Variants in CIB2 observed in about 807,000 individuals in gnomAD.
The protein encoded by CIB2 is calcium and integrin-binding family member 2.
CIB2 carries 19 observed loss-of-function variants against 23.1 expected under a neutral mutation model. That is an observed-to-expected ratio of 0.82 (90% CI 0.57 to 1.21). The LOEUF is 1.21. Among genes scored for constraint, CIB2 ranks in the 50% most tolerant of loss-of-function variants. The probability of loss-of-function intolerance (pLI) is 0.00; values close to 1 mark genes in which losing one functional copy is unlikely to be tolerated. For synonymous variants in CIB2, 94 were observed against 91.7 expected (o/e 1.03, Z -0.14); for missense variants, 220 against 241.5 (o/e 0.91, Z 0.59).
At chr15:78,115,247 G>T (rs2074220267) in intron 2 of CIB2, among the ~76,000 whole-genome samples, 1 of 151,986 alleles carries the variant, frequency 6.6e-6, no homozygotes, top group African/African-American at 2.4e-5. Context: ...AATTTTAGAA[G>T]TAATTATTTA....
intron 1 of CIB2, among the ~76,000 whole-genome samples, chr15:78,128,603 G>A (rs769860518): frequency 8.9e-4 from 136 of 152,112 alleles, no homozygotes; most frequent in Non-Finnish European, 1.5e-3. Flanking sequence ...GCTTGAACCT[G>A]GGAGGCGGAG....
intron 2 of CIB2, among the ~76,000 whole-genome samples, chr15:78,117,472 G>A (rs1359576406): frequency 6.6e-6 from 1 of 152,152 alleles, no homozygotes; most frequent in Non-Finnish European, 1.5e-5. Context: ...ATGAGCCCAT[G>A]ACACAGCATT....
intron 2 of CIB2, among the ~76,000 whole-genome samples, chr15:78,120,075 A>AT (rs1001508771): frequency 9.7e-5 from 14 of 143,808 alleles, no homozygotes; most frequent in South Asian, 2.2e-4. Flanking sequence ...TAATTTCTGT[A>AT]TTTTTTTTTT....
intron 4 of CIB2, among the ~76,000 whole-genome samples, chr15:78,106,165 A>G (rs2074068219): frequency 6.6e-6 from 1 of 152,160 alleles, no homozygotes; most frequent in African/African-American, 2.4e-5. Flanking sequence ...ACAATGACTA[A>G]ACCACATCCT....
intron 4 of CIB2, 71 bp downstream of exon 4, chr15:78,109,163 TA>T: frequency 6.5e-7 from 1 of 1,531,198 alleles, no homozygotes; most frequent in East Asian, 2.3e-5. Context: ...GAGCCAGTAG[TA>T]ACCAGACAGC....
intron 3 of CIB2, among the ~76,000 whole-genome samples, chr15:78,109,693 G>A (rs565859829): frequency 6.6e-6 from 1 of 151,094 alleles, no homozygotes; most frequent in South Asian, 2.1e-4. Flanking sequence ...CTGTAGTCCC[G>A]CTATTTGGGA....
intron 1 of CIB2, among the ~76,000 whole-genome samples, chr15:78,126,146 C>A (rs558024989): frequency 3.5e-5 from 5 of 144,806 alleles, no homozygotes; most frequent in African/African-American, 1.1e-4. Context: ...CCCTGCCCCC[C>A]CCCCTTTTTT....
chr15:78,124,497 C>G (rs1195651338), intron 1 of CIB2, among the ~76,000 whole-genome samples: 1 of 152,094 alleles, frequency 6.6e-6, no homozygotes, highest in Non-Finnish European at 1.5e-5. Flanking sequence ...AGATGAACTG[C>G]CTCTATCCAC....
intron 3 of CIB2, among the ~76,000 whole-genome samples, chr15:78,110,392 G>A (rs2074139001): frequency 6.6e-6 from 1 of 152,214 alleles, no homozygotes; most frequent in African/African-American, 2.4e-5. Flanking sequence ...GTCCAGGGCT[G>A]AGCCTGGGGC....
chr15:78,109,208 C>T (rs749673418), intron 4 of CIB2, 27 bp downstream of exon 4: 6 of 888,368 alleles, frequency 6.8e-6, no homozygotes, highest in Non-Finnish European at 8.3e-6. Flanking sequence ...ACCGCATATT[C>T]AGGCCCCCTC....
At chr15:78,109,433 G>A in intron 3 of CIB2, 51 bp from the exon 4 acceptor site, 3 of 1,608,820 alleles carry the variant, frequency 1.9e-6, no homozygotes, top group South Asian at 1.1e-5. Context: ...AAGCAGGAGG[G>A]CCCCGGAGCC....
In CIB2 at chr15:78,105,337, A is replaced by G. The variant is rs1567047237; in HGVS notation, c.543-5T>C. 6 of 1,613,910 alleles carry G rather than the reference A, an allele frequency of 3.7e-6. No homozygotes were observed. The East Asian group carries it at 8.9e-5, about 24-fold the overall frequency. On this transcript the variant is annotated splice_region_variant and splice_polypyrimidine_tract_variant and intron_variant, in intron 5 of 5. Transcript: ENST00000258930. Reference sequence around the variant, plus strand: ...CAGATCCGGATGTGGAAAGTGCTAGAAAGAGAGAAAGGGCAAGAGAGGGTG... The same window carrying G: ...CAGATCCGGATGTGGAAAGTGCTAGGAAGAGAGAAAGGGCAAGAGAGGGTG...
intron 4 of CIB2, among the ~76,000 whole-genome samples, chr15:78,106,257 A>G (rs568064973): frequency 7.5e-4 from 114 of 152,226 alleles, no homozygotes; most frequent in Non-Finnish European, 1.3e-3. Context: ...CTTAGCCCAC[A>G]GTGGACCCAG....
At chr15:78,126,939 T>C (rs989669629) in intron 1 of CIB2, among the ~76,000 whole-genome samples, 5 of 152,094 alleles carry the variant, frequency 3.3e-5, no homozygotes, top group African/African-American at 9.7e-5. Context: ...GGCCTAGAAG[T>C]GTGGCAGGGG....
rs1174715373 is a variant in CIB2 at position 78,111,223 on chromosome 15, C to T, written c.140G>A (p.Arg47Lys). ...LAPNLVPMDY[R>K]KSPIVHVPMS... The stretch of plus-strand genomic sequence containing the variant: ...GGGCACGTGGACGATGGGGCTCTTC[C>T]TGTAGTCCATTGGGACGAGGTTGGG... The change falls in exon 3 of 6, where the codon AGG (arginine) becomes AAG (lysine). Residue 47 changes from arginine (R) to lysine (K), a missense_variant. Arg to Lys is a conservative substitution (Grantham distance 26). Coordinates refer to ENST00000258930, the MANE Select transcript of CIB2 (RefSeq NM_006383.4). The T allele has an allele frequency of 1.9e-6, 3 of 1,614,180 alleles. No homozygotes were observed. The highest frequency in any genetic ancestry group is 1.6e-4 in the Middle Eastern group (1 of 6,062).
chr15:78,116,011 A>AG (rs2074235307), intron 2 of CIB2, among the ~76,000 whole-genome samples: 1 of 152,074 alleles, frequency 6.6e-6, no homozygotes, highest in African/African-American at 2.4e-5. Context: ...GGAAAAAAAA[A>AG]ATTGCATCTA....
At position 78,105,879 on chromosome 15, in the gene CIB2, C is replaced by T. The variant is rs2074062896; in HGVS notation, c.402G>A (p.Arg134=). Residue 134 remains arginine, a synonymous_variant, in exon 5 of 6, where the codon CGG becomes CGA. Coordinates refer to ENST00000258930, the MANE Select transcript of CIB2 (RefSeq NM_006383.4). ...CCTCATCCAGCTCTGACTTAGTGAG[C>T]CGGGCCAGCGTCAGCTCCAGGTCCT... ...CKEDLELTLA[R]LTKSELDEEE... 6.2e-7 allele frequency: 1 copy of T among 1,614,200 alleles called. No individual in the cohort carries two copies. The highest frequency in any genetic ancestry group is 8.5e-7 in the Non-Finnish European group (1 of 1,180,030).
chr15:78,125,724 G>A (rs1260397381), intron 1 of CIB2, among the ~76,000 whole-genome samples: 3 of 152,172 alleles, frequency 2.0e-5, no homozygotes, highest in Non-Finnish European at 4.4e-5. Context: ...TCCCAATGAT[G>A]CTGATGCATG....
In CIB2 at chr15:78,105,171, TGCTGAAAG is replaced by T; in HGVS notation, c.*132_*139del. 8.4e-7 allele frequency: 1 copy of T among 1,183,964 alleles called. No homozygotes were observed. Among genetic ancestry groups the T allele is most frequent in the Middle Eastern group, 2.2e-4 (1 of 4,568 alleles). 73.3% of individuals were successfully genotyped at this position (1,183,964 alleles called of 1,614,324 possible). ...CCCTTCCTGGTTAAGGTTTTTTTTT[TGCTGAAAG>T]GGCCACAGGATATATTTGTGGTGTA... On this transcript the variant is annotated 3_prime_UTR_variant, in exon 6 of 6. Transcript: ENST00000258930.
Sources: allele counts gnomAD v4.1 joint callset (sites outside exome capture counted in the v4.1 genomes callset), GRCh38; gene constraint gnomAD v4.1.1; transcripts MANE v1.5; gene names NCBI Gene and HGNC (gene_info 2026-07-23, HGNC 2026-07-21).